SAMTOR: variants seen among roughly 807,000 people sequenced by gnomAD.
SAMTOR encodes the protein S-adenosylmethionine sensor upstream of mTORC1.
At chr7:112,862,676 C>T in the SAMTOR span, among the ~76,000 whole-genome samples, 1 of 152,138 alleles carries the variant, frequency 6.6e-6, no homozygotes, top group Non-Finnish European at 1.5e-5. Flanking sequence ...TGCCTGTAAT[C>T]TCAGCACTTT....
At chr7:112,923,525 A>T in the SAMTOR span, among the ~76,000 whole-genome samples, 2 of 152,206 alleles carry the variant, frequency 1.3e-5, no homozygotes, top group South Asian at 2.1e-4. Flanking sequence ...AAATAAAAAA[A>T]AATTAAGTCA....
chr7:112,917,774 C>T, the SAMTOR span, among the ~76,000 whole-genome samples: 5 of 152,092 alleles, frequency 3.3e-5, no homozygotes, highest in African/African-American at 1.2e-4. Context: ...GAGCTGAAAG[C>T]CAAGGCTCGA....
chr7:112,898,031 C>A, the SAMTOR span, among the ~76,000 whole-genome samples: 10 of 152,190 alleles, frequency 6.6e-5, no homozygotes, highest in African/African-American at 2.2e-4. Flanking sequence ...CGGGACTTTG[C>A]ACTGGAACTC....
At chr7:112,885,822 T>A in the SAMTOR span, among the ~76,000 whole-genome samples, 1 of 152,220 alleles carries the variant, frequency 6.6e-6, no homozygotes, top group Non-Finnish European at 1.5e-5. Flanking sequence ...TGCTCCCACA[T>A]TTTTGGGTAT....
the SAMTOR span, among the ~76,000 whole-genome samples, chr7:112,919,479 G>T: frequency 6.6e-6 from 1 of 151,466 alleles, no homozygotes; most frequent in Admixed American, 6.6e-5. Context: ...AGCACTAAAT[G>T]CCCACAAGAG....
chr7:112,863,524 A>T, the SAMTOR span, among the ~76,000 whole-genome samples: 1 of 152,216 alleles, frequency 6.6e-6, no homozygotes, highest in Non-Finnish European at 1.5e-5. Flanking sequence ...AAATTTTTGT[A>T]AGTTATGTAT....
At chr7:112,876,894 T>C in the SAMTOR span, among the ~76,000 whole-genome samples, 1 of 152,210 alleles carries the variant, frequency 6.6e-6, no homozygotes, top group African/African-American at 2.4e-5. Flanking sequence ...CTCATTCCTT[T>C]GCGAGTCATC....
chr7:112,847,099 C>T, the SAMTOR span, among the ~76,000 whole-genome samples: 4 of 152,120 alleles, frequency 2.6e-5, no homozygotes, highest in African/African-American at 9.7e-5. Flanking sequence ...TGTATGGAAT[C>T]AACAACATTG....
At chr7:112,890,230 G>A in the SAMTOR span, among the ~76,000 whole-genome samples, 14 of 152,222 alleles carry the variant, frequency 9.2e-5, no homozygotes, top group African/African-American at 3.4e-4. Context: ...CAATCAAGAC[G>A]CACTCTACTG....
chr7:112,864,167 T>G, the SAMTOR span, among the ~76,000 whole-genome samples: 1 of 152,144 alleles, frequency 6.6e-6, no homozygotes, highest in Admixed American at 6.5e-5. Context: ...TACCACATGT[T>G]CTCACTTATA....
the SAMTOR span, among the ~76,000 whole-genome samples, chr7:112,857,237 G>A: frequency 2.1e-3 from 310 of 150,560 alleles, 13 homozygotes; most frequent in African/African-American, 6.8e-3. Flanking sequence ...GACTACAGGC[G>A]CCCACCACCG....
the SAMTOR span, chr7:112,939,672 G>C: frequency 6.2e-7 from 1 of 1,613,366 alleles, no homozygotes; most frequent in East Asian, 2.2e-5. Context: ...TTCCGCTCCT[G>C]CTCCCGGGGC....
At chr7:112,844,664 A>T in the SAMTOR span, among the ~76,000 whole-genome samples, 1 of 152,232 alleles carries the variant, frequency 6.6e-6, no homozygotes, top group African/African-American at 2.4e-5. Context: ...TAAAATGGCC[A>T]TATTGCCCAA....
chr7:112,839,839 A>T, the SAMTOR span, among the ~76,000 whole-genome samples: 6 of 151,868 alleles, frequency 4.0e-5, no homozygotes, highest in African/African-American at 1.2e-4. Context: ...AAAAATTGTT[A>T]TATTTTCCTA....
the SAMTOR span, among the ~76,000 whole-genome samples, chr7:112,873,463 G>T: frequency 3.8e-3 from 571 of 152,210 alleles, 2 homozygotes; most frequent in African/African-American, 0.013. Flanking sequence ...AAGCAATGGG[G>T]AAAGAAGTCC....
chr7:112,827,874 G>A, the SAMTOR span, among the ~76,000 whole-genome samples: 23 of 152,080 alleles, frequency 1.5e-4, no homozygotes, highest in East Asian at 3.9e-4. Context: ...TGCACCATGC[G>A]TGGCTAACTT....
the SAMTOR span, among the ~76,000 whole-genome samples, chr7:112,902,434 AAAAAC>A: frequency 1.8e-5 from 2 of 111,974 alleles, 1 homozygote; most frequent in East Asian, 6.6e-4. Context: ...AAAAACAAAA[AAAAAC>A]AAAAAAAAAC....
the SAMTOR span, among the ~76,000 whole-genome samples, chr7:112,868,645 C>A: frequency 6.6e-6 from 1 of 152,228 alleles, no homozygotes; most frequent in African/African-American, 2.4e-5. Context: ...CAGGCTCACA[C>A]AAAGTCAGTC....
chr7:112,863,669 T>C, the SAMTOR span, among the ~76,000 whole-genome samples: 1 of 152,146 alleles, frequency 6.6e-6, no homozygotes, highest in African/African-American at 2.4e-5. Flanking sequence ...AAGAATCATA[T>C]GAAGAAAAGC....
Sources: allele counts gnomAD v4.1 joint callset (sites outside exome capture counted in the v4.1 genomes callset), GRCh38; gene constraint gnomAD v4.1.1; transcripts MANE v1.5; gene names NCBI Gene and HGNC (gene_info 2026-07-23, HGNC 2026-07-21).